The following MTCL1 variants were observed in gnomAD, a reference collection of about 807,000 sequenced individuals.
The protein encoded by MTCL1 is microtubule cross-linking factor 1.
In MTCL1, 79 loss-of-function variants were observed where a neutral mutation model predicts 141.4. That is an observed-to-expected ratio of 0.56 (90% CI 0.47 to 0.67). The LOEUF is 0.67. Among genes scored for constraint, MTCL1 ranks in the 30% least tolerant of loss-of-function variants. MTCL1 has a pLI of 0.00. For missense variants in MTCL1, 2,177 were observed against 2,113.9 expected, an observed-to-expected ratio of 1.03 and a Z score of -0.59; for synonymous variants, 914 against 875.8, an observed-to-expected ratio of 1.04 and a Z score of -0.77.
Position 8,779,093 on chromosome 18 carries a change from C to G in MTCL1, c.417+1201C>G, listed in dbSNP as rs1419967539. On this transcript the variant is annotated intron_variant, in intron 5 of 16. Transcript: ENST00000359865. This position sits in a 1 kb window ranked among gnomAD's most constrained non-coding sequence, Gnocchi z 4.1. Reference sequence around the variant, plus strand: ...GCCCGCAACCAAAACCCAAAGGAAGCTGGCGCCCCGGCGCAAGGTAGGCAC... The same window carrying G: ...GCCCGCAACCAAAACCCAAAGGAAGGTGGCGCCCCGGCGCAAGGTAGGCAC... Among the ~76,000 whole-genome samples, 1 of 152,256 alleles carries G rather than the reference C, an allele frequency of 6.6e-6. No homozygotes were observed. Among genetic ancestry groups the G allele is most frequent in the African/African-American group, 2.4e-5 (1 of 41,472 alleles).
intron 4 of MTCL1, among the ~76,000 whole-genome samples, chr18:8,762,577 A>G (rs1042470384): frequency 2.6e-5 from 4 of 152,268 alleles, no homozygotes; most frequent in Non-Finnish European, 5.9e-5. Context: ...CACAGAAGGC[A>G]GTTTCCTACG....
chr18:8,727,856 C>T (rs56212327), intron 4 of MTCL1, among the ~76,000 whole-genome samples: 20 of 75,346 alleles, frequency 2.7e-4, no homozygotes, highest in African/African-American at 4.1e-4. Context: ...TGCTCCTTCT[C>T]TCTCTCTCTC....
chr18:8,723,422 G>A (rs992830965), intron 4 of MTCL1, among the ~76,000 whole-genome samples: 5 of 152,180 alleles, frequency 3.3e-5, no homozygotes, highest in Non-Finnish European at 7.3e-5. Context: ...TTTTGTAAAT[G>A]GATGTGTGAC....
In MTCL1 at chr18:8,728,709, T is replaced by C. The variant is rs1042212143; in HGVS notation, c.357+8213T>C. Among the ~76,000 whole-genome samples the C allele has an allele frequency of 6.7e-5, 10 of 149,790 alleles. No homozygotes were observed. In the South Asian group the frequency reaches 1.3e-3, roughly 19 times the overall value. On this transcript the variant is annotated intron_variant, in intron 4 of 16. Transcript: ENST00000359865. ...GCTAGTCCCATGTGGGGCCTTCTTA[T>C]GTTGTCCATTCTTTTTTTTTTTTTT...
chr18:8,720,061 G>A (rs879463387), intron 3 of MTCL1: 3 of 319,512 alleles, frequency 9.4e-6, no homozygotes. Flanking sequence ...TAGCAGTTTG[G>A]GGGGGTTGGA....
chr18:8,732,112 T>G (rs1449106110), intron 4 of MTCL1, among the ~76,000 whole-genome samples: 1 of 151,886 alleles, frequency 6.6e-6, no homozygotes, highest in Non-Finnish European at 1.5e-5. Flanking sequence ...TTAATCTTCA[T>G]TTTTTTTGAG....
chr18:8,823,155 G>A (rs905426059), intron 14 of MTCL1, among the ~76,000 whole-genome samples: 11 of 151,976 alleles, frequency 7.2e-5, no homozygotes, highest in African/African-American at 1.2e-4. Flanking sequence ...TACTCTCTTC[G>A]TTCCACCTGC....
chr18:8,785,868 G>C, intron 6 of MTCL1, 68 bp from the exon 6 acceptor site: 1 of 1,512,158 alleles, frequency 6.6e-7, no homozygotes, highest in Non-Finnish European at 8.8e-7. Flanking sequence ...CTTGTCCTTT[G>C]TTTGTTTGTT....
intron 4 of MTCL1, among the ~76,000 whole-genome samples, chr18:8,746,306 C>A (rs577699427): frequency 6.6e-6 from 1 of 152,296 alleles, no homozygotes; most frequent in Non-Finnish European, 1.5e-5. Flanking sequence ...TTTAAGGAAC[C>A]GCCCCACTGT....
At chr18:8,831,134 C>T (rs76236729) in intron 16 of MTCL1, 110,477 of 988,296 alleles carry the variant, frequency 0.11, 6,678 homozygotes, top group Admixed American at 0.15. Context: ...ATTGCTAACA[C>T]AGCTGAATGA....
intron 4 of MTCL1, among the ~76,000 whole-genome samples, chr18:8,756,457 A>G (rs1176636653): frequency 3.5e-5 from 5 of 142,876 alleles, no homozygotes; most frequent in Non-Finnish European, 5.9e-5. Flanking sequence ...ATATATGTGT[A>G]TATATGTGTA....
intron 4 of MTCL1, among the ~76,000 whole-genome samples, chr18:8,763,156 G>A (rs1361965876): frequency 1.3e-5 from 2 of 152,208 alleles, no homozygotes. Context: ...CCTGTGACAA[G>A]ATGTGCCGAG....
chr18:8,783,810 G>C (rs777968500), exon 6 of MTCL1: 1 of 1,613,292 alleles, frequency 6.2e-7, no homozygotes, highest in Non-Finnish European at 8.5e-7. Flanking sequence ...GTGGAGAACC[G>C]TGGCCTCAAG....
chr18:8,716,291 C>T (rs554046905), upstream of MTCL1, among the ~76,000 whole-genome samples: 8 of 152,314 alleles, frequency 5.3e-5, no homozygotes, highest in East Asian at 7.7e-4. Context: ...TTGAAACAGG[C>T]TCCAGATGAG....
intron 4 of MTCL1, among the ~76,000 whole-genome samples, chr18:8,737,411 A>G (rs2096279914): frequency 1.3e-5 from 2 of 152,234 alleles, no homozygotes; most frequent in African/African-American, 4.8e-5. Context: ...TAAAATTCAC[A>G]GCTGGTTCCA....
At chr18:8,759,125 C>T (rs1374359478) in intron 4 of MTCL1, among the ~76,000 whole-genome samples, 1 of 152,194 alleles carries the variant, frequency 6.6e-6, no homozygotes, top group Non-Finnish European at 1.5e-5. Context: ...GCAAAGTCTT[C>T]GTGTGGAAAG....
intron 16 of MTCL1, chr18:8,829,151 C>A: frequency 1.0e-6 from 1 of 985,464 alleles, no homozygotes; most frequent in South Asian, 4.7e-5. Context: ...ATCTGCTCTG[C>A]TAGAGGGTTG....
At chr18:8,715,511 C>T (rs1598368573), upstream of MTCL1, among the ~76,000 whole-genome samples, 3 of 152,298 alleles carry the variant, frequency 2.0e-5, no homozygotes. Context: ...TATACATATA[C>T]AGATATTGAC....
intron 4 of MTCL1, among the ~76,000 whole-genome samples, 198 bp from the exon 4 acceptor site, chr18:8,777,635 A>G (rs75416143): frequency 0.014 from 2,113 of 152,328 alleles, 51 homozygotes; most frequent in African/African-American, 0.048. Context: ...GACCTCATCT[A>G]ACTTCTCCAA....
Sources: allele counts gnomAD v4.1 joint callset (sites outside exome capture counted in the v4.1 genomes callset), GRCh38; gene constraint gnomAD v4.1.1; non-coding constraint Gnocchi (gnomAD v3.1); transcripts MANE v1.5; gene names NCBI Gene and HGNC (gene_info 2026-07-23, HGNC 2026-07-21).